Variants in GAS7 observed in about 807,000 individuals in gnomAD.
GAS7 encodes growth arrest specific 7, also known as growth arrest-specific protein 7.
Under a neutral mutation model 71.1 loss-of-function variants are expected in GAS7, and 28 were observed. The ratio of observed to expected loss-of-function variants is 0.39; its 90% CI spans 0.29 to 0.54. GAS7 has a LOEUF of 0.54. Ranked by LOEUF, GAS7 falls within the 20% of genes least tolerant of loss-of-function variation. GAS7 has a pLI of 0.62. For synonymous variants in GAS7, 258 were observed against 245.8 expected, an observed-to-expected ratio of 1.05 and a Z score of -0.46; for missense variants, 436 against 627.8, an observed-to-expected ratio of 0.69 and a Z score of 3.27.
chr17:10,010,562 C>T (rs932282704), intron 2 of GAS7, among the ~76,000 whole-genome samples: 5 of 152,198 alleles, frequency 3.3e-5, no homozygotes, highest in African/African-American at 1.2e-4. Context: ...CAGATACCCT[C>T]AACTTATGAC....
At chr17:9,931,866 T>C (rs186274228) in intron 9 of GAS7, among the ~76,000 whole-genome samples, 1 of 152,150 alleles carries the variant, frequency 6.6e-6, no homozygotes, top group Admixed American at 6.5e-5. Flanking sequence ...CGTGTCTCAG[T>C]CATCTGAGTC....
intron 1 of GAS7, among the ~76,000 whole-genome samples, chr17:10,029,136 C>T (rs899452653): frequency 5.9e-5 from 9 of 152,200 alleles, no homozygotes; most frequent in East Asian, 1.9e-4. Context: ...TAATCATTTA[C>T]GTGGGAAGAC....
intron 1 of GAS7, among the ~76,000 whole-genome samples, chr17:10,052,115 C>A (rs891559457): frequency 1.3e-5 from 2 of 152,098 alleles, no homozygotes; most frequent in African/African-American, 4.8e-5. Flanking sequence ...TCCCCCGATT[C>A]CTCCATTTAC....
chr17:9,944,103 A>C (rs1314852984), intron 6 of GAS7, among the ~76,000 whole-genome samples: 3 of 152,250 alleles, frequency 2.0e-5, no homozygotes, highest in Non-Finnish European at 4.4e-5. Flanking sequence ...TTTCAAAATT[A>C]AATGATTTAT....
rs747556222 is a variant in GAS7, at chr17:10,049,349, T to G, written c.184-29452A>C. Among the ~76,000 whole-genome samples, 8 of 152,322 alleles carry G rather than the reference T, an allele frequency of 5.3e-5. 1 individual carries two copies. On this transcript the variant is annotated intron_variant, in intron 1 of 13. Transcript: ENST00000432992. ...AATGCTTTCTGTCATCAAAGCCCTC[T>G]TTATATCATCCTCCCTCTAAAAGCT...
intron 1 of GAS7, among the ~76,000 whole-genome samples, chr17:10,086,336 T>A (rs980938994): frequency 6.6e-6 from 1 of 152,214 alleles, no homozygotes; most frequent in Non-Finnish European, 1.5e-5. Context: ...GCCTGGAATG[T>A]GTGCATGACA....
chr17:10,196,495 T>C (rs1461805746), intron 1 of GAS7, among the ~76,000 whole-genome samples: 1 of 152,172 alleles, frequency 6.6e-6, no homozygotes, highest in African/African-American at 2.4e-5. Context: ...CTTACCTTTG[T>C]ATATGCCAGA....
chr17:10,157,219 C>G (rs1027383238), intron 1 of GAS7, among the ~76,000 whole-genome samples: 2 of 152,098 alleles, frequency 1.3e-5, no homozygotes, highest in African/African-American at 4.8e-5. Context: ...AGTCCTCAGC[C>G]TAGGAAAGGG....
At chr17:10,031,059 C>G (rs999434208) in intron 1 of GAS7, among the ~76,000 whole-genome samples, 3 of 152,234 alleles carry the variant, frequency 2.0e-5, no homozygotes, top group Admixed American at 2.0e-4. Flanking sequence ...TGGCACCCAT[C>G]ATAAGAGGTA....
intron 1 of GAS7, among the ~76,000 whole-genome samples, chr17:10,132,105 CAAT>C (rs1199526549): frequency 2.6e-5 from 4 of 152,140 alleles, no homozygotes; most frequent in African/African-American, 7.2e-5. Flanking sequence ...AAAATGTACT[CAAT>C]GATTGCATGA....
chr17:10,081,872 T>C (rs1246806124), intron 1 of GAS7, among the ~76,000 whole-genome samples: 2 of 152,330 alleles, frequency 1.3e-5, no homozygotes, highest in East Asian at 3.9e-4. Context: ...AAAGTCCAGA[T>C]GTACATTCTC....
At chr17:10,180,678 C>CTGT (rs2074407896) in intron 1 of GAS7, among the ~76,000 whole-genome samples, 1 of 152,186 alleles carries the variant, frequency 6.6e-6, no homozygotes, top group Admixed American at 6.5e-5. Flanking sequence ...CACACACACT[C>CTGT]TGTTCCCCAA....
intron 4 of GAS7, among the ~76,000 whole-genome samples, chr17:9,968,320 G>A (rs1040532893): frequency 3.3e-5 from 5 of 152,172 alleles, no homozygotes; most frequent in African/African-American, 4.8e-5. Context: ...GCTCAGGAGT[G>A]GTCCTCAGAC....
chr17:10,045,793 G>C (rs1286244968), intron 1 of GAS7, among the ~76,000 whole-genome samples: 1 of 152,120 alleles, frequency 6.6e-6, no homozygotes, highest in Non-Finnish European at 1.5e-5. Flanking sequence ...CCACAGCTTG[G>C]TTTCCCCTTC....
At chr17:10,058,256 AC>A (rs201967874) in intron 1 of GAS7, among the ~76,000 whole-genome samples, 3,366 of 141,710 alleles carry the variant, frequency 0.024, 111 homozygotes, top group African/African-American at 0.099. Flanking sequence ...AATACTAAAA[AC>A]AAAAACAAAA....
At chr17:10,067,870 C>A (rs1375673055) in intron 1 of GAS7, among the ~76,000 whole-genome samples, 1 of 152,162 alleles carries the variant, frequency 6.6e-6, no homozygotes, top group Non-Finnish European at 1.5e-5. Context: ...ATAACTGAAT[C>A]AGGTCCTTCG....
intron 1 of GAS7, among the ~76,000 whole-genome samples, chr17:10,044,682 T>A (rs2072922278): frequency 6.6e-6 from 1 of 152,360 alleles, no homozygotes; most frequent in Non-Finnish European, 1.5e-5. Context: ...AAAAATATTT[T>A]CCAATATATT....
At chr17:10,090,010 A>G (rs1890979389) in intron 1 of GAS7, among the ~76,000 whole-genome samples, 6 of 152,168 alleles carry the variant, frequency 3.9e-5, no homozygotes, top group Admixed American at 3.9e-4. Flanking sequence ...TCTACTAAAA[A>G]TACGAAAAAT....
Position 10,192,829 on chromosome 17 carries a change from G to A in GAS7, c.183+5379C>T, listed in dbSNP as rs565723360. On this transcript the variant is annotated intron_variant, in intron 1 of 13. Transcript: ENST00000432992. ...CCAGGAGCTACAAATACTGGCCACA[G>A]CCCCCATACCAAGGAGGAGGGTGAT... Among the ~76,000 whole-genome samples, 3 of 152,268 alleles carry A rather than the reference G, an allele frequency of 2.0e-5. No individual in the cohort carries two copies. In the South Asian group the frequency reaches 6.2e-4, roughly 32 times the overall value.
Sources: gnomAD v4.1 joint callset for allele counts (sites outside exome capture counted in the v4.1 genomes callset) on GRCh38, gnomAD v4.1.1 for gene constraint, MANE v1.5 for transcripts, NCBI Gene and HGNC (gene_info 2026-07-23, HGNC 2026-07-21) for gene names.